Variants in AMPH observed in about 807,000 individuals in gnomAD.
The protein encoded by AMPH is amphiphysin (Stiff-Mann syndrome with breast cancer 128kD autoantigen).
Under a neutral mutation model 99.1 loss-of-function variants are expected in AMPH, and 49 were observed. The ratio of observed to expected loss-of-function variants is 0.49; its 90% CI spans 0.39 to 0.63. The LOEUF (loss-of-function observed/expected upper bound fraction) is 0.63, where lower values mean the gene tolerates loss of function less well. Among genes scored for constraint, AMPH ranks in the 20% least tolerant of loss-of-function variants. The probability of loss-of-function intolerance (pLI) is 0.00; values close to 1 mark genes in which losing one functional copy is unlikely to be tolerated. For synonymous variants in AMPH, 314 were observed against 317.3 expected, an observed-to-expected ratio of 0.99 and a Z score of 0.11; for missense variants, 759 against 863.4, an observed-to-expected ratio of 0.88 and a Z score of 1.52.
At chr7:38,598,139 CTATT>C in intron 1 of AMPH, among the ~76,000 whole-genome samples, 1 of 152,254 alleles carries the variant, frequency 6.6e-6, no homozygotes, top group East Asian at 1.9e-4. Context: ...ACTGATTTGT[CTATT>C]TATATTTGTA....
chr7:38,453,440 G>C (rs552267149), intron 11 of AMPH, among the ~76,000 whole-genome samples: 3 of 152,294 alleles, frequency 2.0e-5, no homozygotes, highest in African/African-American at 7.2e-5. Flanking sequence ...TGTTTGGAAA[G>C]GCACTTCCTC....
chr7:38,528,862 A>C (rs1790289822), intron 2 of AMPH, among the ~76,000 whole-genome samples: 1 of 152,196 alleles, frequency 6.6e-6, no homozygotes, highest in East Asian at 1.9e-4. Flanking sequence ...TTAATGCTAT[A>C]AATTTCCCTT....
chr7:38,594,770 C>T (rs1402346465), intron 1 of AMPH, among the ~76,000 whole-genome samples: 3 of 152,026 alleles, frequency 2.0e-5, no homozygotes, highest in South Asian at 2.1e-4. Flanking sequence ...AATCTGCATC[C>T]CAAATTTCCC....
At chr7:38,603,375 C>T (rs35218687) in intron 1 of AMPH, among the ~76,000 whole-genome samples, 22,269 of 149,804 alleles carry the variant, frequency 0.15, 1,724 homozygotes, top group Middle Eastern at 0.22. Context: ...CAGAAAATAT[C>T]ACATAAAAAT....
At position 38,620,512 on chromosome 7, in the gene AMPH, G is replaced by A. The variant is rs1201032791; in HGVS notation, c.69+10771C>T. 2.0e-5 allele frequency among the ~76,000 whole-genome samples: 3 copies of A among 147,098 alleles called. No homozygotes were observed. In the East Asian group the frequency reaches 6.3e-4, roughly 31 times the overall value. ...AGTTGGGAGATCCTCCCAAGGTTTG[G>A]ACCATCTATGCATCTATGCTATATA... On this transcript the variant is annotated intron_variant, in intron 1 of 20. Coordinates refer to ENST00000356264, the MANE Select transcript of AMPH (RefSeq NM_001635.4).
intron 1 of AMPH, among the ~76,000 whole-genome samples, chr7:38,584,266 A>C (rs1475439377): frequency 6.6e-6 from 1 of 152,182 alleles, no homozygotes; most frequent in East Asian, 1.9e-4. Context: ...TCAGGGGATA[A>C]CAAGCTATTC....
At chr7:38,525,258 G>GTGTGTA (rs1173107719) in intron 2 of AMPH, among the ~76,000 whole-genome samples, 1 of 111,222 alleles carries the variant, frequency 9.0e-6, no homozygotes. Flanking sequence ...GTGTGTGTGT[G>GTGTGTA]TATATATATA....
intron 17 of AMPH, among the ~76,000 whole-genome samples, chr7:38,417,267 C>T (rs1562739086): frequency 1.3e-5 from 2 of 151,892 alleles, no homozygotes; most frequent in South Asian, 4.2e-4. Context: ...AATGGATCCC[C>T]ATCCCAGCAC....
chr7:38,498,105 C>T (rs1788998182), intron 3 of AMPH, among the ~76,000 whole-genome samples: 1 of 152,188 alleles, frequency 6.6e-6, no homozygotes, highest in Admixed American at 6.5e-5. Flanking sequence ...AAACCTGCTT[C>T]AACTCCTTTT....
chr7:38,566,195 T>C (rs1332671487), intron 1 of AMPH, among the ~76,000 whole-genome samples: 2 of 152,200 alleles, frequency 1.3e-5, no homozygotes, highest in African/African-American at 2.4e-5. Flanking sequence ...ACAATAGTAA[T>C]GATTTTGGGA....
Position 38,534,869 on chromosome 7 carries a change from A to G in AMPH, c.150+62T>C, listed in dbSNP as rs143640461. 9.7e-4 allele frequency: 1,376 copies of G among 1,425,608 alleles called. 3 individuals carry two copies. In the African/African-American group the frequency reaches 0.014, roughly 14 times the overall value. 88.3% of individuals were successfully genotyped at this position (1,425,608 alleles called of 1,614,324 possible). On this transcript the variant is annotated intron_variant, in intron 2 of 20. Coordinates refer to ENST00000356264, the MANE Select transcript of AMPH (RefSeq NM_001635.4). ...TTTAATCTTAATGCATTTTACTTAC[A>G]TACTAAGACACAAACACATTTAAAC...
intron 12 of AMPH, among the ~76,000 whole-genome samples, chr7:38,433,485 G>C (rs937354007): frequency 6.6e-6 from 1 of 151,912 alleles, no homozygotes; most frequent in African/African-American, 2.4e-5. Flanking sequence ...CAGCACTTTG[G>C]GAGGCCGAGG....
chr7:38,575,189 A>C (rs1792192028), intron 1 of AMPH, among the ~76,000 whole-genome samples: 4 of 152,130 alleles, frequency 2.6e-5, no homozygotes, highest in Admixed American at 2.6e-4. Flanking sequence ...TACTCTATAT[A>C]GACCCTCCAT....
intron 2 of AMPH, among the ~76,000 whole-genome samples, chr7:38,522,486 G>C (rs1338893854): frequency 6.6e-6 from 1 of 152,146 alleles, no homozygotes; most frequent in Admixed American, 6.5e-5. Flanking sequence ...CTCTCAGAAG[G>C]CATGGTGCAA....
At chr7:38,435,269 A>G (rs1174928183) in intron 12 of AMPH, among the ~76,000 whole-genome samples, 8 of 152,298 alleles carry the variant, frequency 5.3e-5, no homozygotes, top group Admixed American at 3.9e-4. Flanking sequence ...GCCCAATCAC[A>G]TTCTAGAAAA....
chr7:38,611,422 T>C (rs1045334043), intron 1 of AMPH, among the ~76,000 whole-genome samples: 3 of 152,238 alleles, frequency 2.0e-5, no homozygotes, highest in Admixed American at 1.3e-4. Context: ...TACTGTACTG[T>C]ACACTTCAGA....
rs1786047616 is a variant in AMPH at position 38,432,009 on chromosome 7, C to T, written c.1158+180G>A. On this transcript the variant is annotated intron_variant, in intron 13 of 20. Coordinates refer to ENST00000356264, the MANE Select transcript of AMPH (RefSeq NM_001635.4). ...CTGGTCCACTGTACTCTTCCTTCACCATCATCTTCCGGTTCTGATAATGCT... is the reference window on the plus strand; with the variant it reads ...CTGGTCCACTGTACTCTTCCTTCACTATCATCTTCCGGTTCTGATAATGCT... 5 of 702,666 alleles carry T rather than the reference C, an allele frequency of 7.1e-6. No homozygotes were observed. In the South Asian group the frequency reaches 7.5e-5, roughly 11 times the overall value. 43.5% of individuals were successfully genotyped at this position (702,666 alleles called of 1,614,324 possible). A position where few individuals can be genotyped will look rare whatever the true frequency, so the allele number is the denominator to read the frequency against.
At chr7:38,542,300 G>A (rs188144374) in intron 1 of AMPH, among the ~76,000 whole-genome samples, 301 of 152,266 alleles carry the variant, frequency 2.0e-3, no homozygotes, top group Non-Finnish European at 3.5e-3. Context: ...CATGAGACTC[G>A]GATAAACACC....
At chr7:38,628,273 T>C (rs998568744) in intron 1 of AMPH, among the ~76,000 whole-genome samples, 1 of 152,232 alleles carries the variant, frequency 6.6e-6, no homozygotes, top group Non-Finnish European at 1.5e-5. Context: ...TTTTAAATTT[T>C]ATTATCCAGA....
Sources: gnomAD v4.1 joint callset for allele counts (sites outside exome capture counted in the v4.1 genomes callset) on GRCh38, gnomAD v4.1.1 for gene constraint, MANE v1.5 for transcripts, NCBI Gene and HGNC (gene_info 2026-07-23, HGNC 2026-07-21) for gene names.